The following COBL variants were observed in gnomAD, a reference collection of about 807,000 sequenced individuals.
COBL encodes cordon-bleu WH2 repeat protein.
In COBL, 51 loss-of-function variants were observed where a neutral mutation model predicts 98.8. The observed-to-expected ratio is 0.52, with a 90% CI of 0.41 to 0.65. The LOEUF (loss-of-function observed/expected upper bound fraction) is 0.65, where lower values mean the gene tolerates loss of function less well. COBL is among the 30% of genes least tolerant of loss of function. COBL has a pLI of 0.00. For missense variants in COBL, 1,617 were observed against 1,617.5 expected, an observed-to-expected ratio of 1.00 and a Z score of 0.01; for synonymous variants, 634 against 651.7, an observed-to-expected ratio of 0.97 and a Z score of 0.41.
chr7:51,057,217 C>T (rs1790850493), intron 7 of COBL, among the ~76,000 whole-genome samples: 1 of 152,128 alleles, frequency 6.6e-6, no homozygotes, highest in South Asian at 2.1e-4. Context: ...TTATAATTGT[C>T]CTATTTCATT....
intron 1 of COBL, among the ~76,000 whole-genome samples, chr7:51,290,468 T>C (rs1800791420): frequency 6.6e-6 from 1 of 152,194 alleles, no homozygotes; most frequent in African/African-American, 2.4e-5. Context: ...CATTGTAAAA[T>C]GATTTGTGCT....
At chr7:51,048,046 A>T (rs1789887115) in intron 7 of COBL, among the ~76,000 whole-genome samples, 3 of 152,162 alleles carry the variant, frequency 2.0e-5, no homozygotes, top group Non-Finnish European at 4.4e-5. Flanking sequence ...GCACACCTGT[A>T]ATCCCAGCTA....
intron 1 of COBL, among the ~76,000 whole-genome samples, chr7:51,261,070 C>T (rs1663478844): frequency 1.3e-5 from 2 of 152,208 alleles, no homozygotes; most frequent in African/African-American, 4.8e-5. Context: ...GCCTGCCTTC[C>T]TGCTGCTCAC....
intron 2 of COBL, among the ~76,000 whole-genome samples, chr7:51,211,905 A>G (rs1349933918): frequency 1.3e-5 from 2 of 152,024 alleles, no homozygotes; most frequent in East Asian, 3.9e-4. Context: ...CTCTCTCATC[A>G]TCTATCTACA....
At chr7:51,135,828 A>C (rs1321997800) in intron 6 of COBL, among the ~76,000 whole-genome samples, 1 of 152,204 alleles carries the variant, frequency 6.6e-6, no homozygotes, top group East Asian at 1.9e-4. Context: ...GGATGCAGTC[A>C]GTCAGAAAAA....
At chr7:51,139,889 G>A (rs1160932737) in intron 5 of COBL, among the ~76,000 whole-genome samples, 4 of 152,146 alleles carry the variant, frequency 2.6e-5, no homozygotes, top group Admixed American at 1.3e-4. Context: ...TATTATCCCA[G>A]TTTCCTTGGT....
intron 12 of COBL, chr7:51,021,304 A>G (rs1245619818): frequency 6.6e-6 from 1 of 152,172 alleles, no homozygotes; most frequent in African/African-American, 2.4e-5. Flanking sequence ...AGCTTTTAAC[A>G]TTTTACTTTT....
At chr7:51,221,931 T>C (rs1056182012) in intron 1 of COBL, among the ~76,000 whole-genome samples, 13 of 152,230 alleles carry the variant, frequency 8.5e-5, no homozygotes, top group African/African-American at 3.1e-4. Context: ...CTCATGCCTG[T>C]AATCCCAGCA....
intron 7 of COBL, among the ~76,000 whole-genome samples, chr7:51,057,120 G>C (rs574360069): frequency 6.6e-6 from 1 of 152,280 alleles, no homozygotes; most frequent in South Asian, 2.1e-4. Flanking sequence ...CAGACGGACT[G>C]TCTCAAGGTT....
At chr7:51,147,057 G>A (rs1459440506) in intron 5 of COBL, among the ~76,000 whole-genome samples, 1 of 152,186 alleles carries the variant, frequency 6.6e-6, no homozygotes, top group Non-Finnish European at 1.5e-5. Flanking sequence ...GACAGCAGAA[G>A]GCACTGCAGA....
chr7:51,028,950 C>G lies in COBL; in HGVS notation c.2146G>C (p.Glu716Gln). ...TTYKIIPPKSEMRCYDRDVSL... is the reference protein window; with the variant it reads ...TTYKIIPPKSQMRCYDRDVSL... Reference sequence around the variant, plus strand: ...ACATCTCTGTCGTAACATCGCATCTCTGACTTTGGAGGAATGATTTTATAC... The same window carrying G: ...ACATCTCTGTCGTAACATCGCATCTGTGACTTTGGAGGAATGATTTTATAC... Residue 716 changes from glutamate (E) to glutamine (Q), a missense_variant, in exon 10 of 13, where the codon GAG (glutamate) becomes CAG (glutamine). Around this residue, in one of 3 missense-constraint regions of COBL, gnomAD observed 1,304 missense variants for 1,282.0 expected, o/e 1.02. Transcript: ENST00000265136. 6.2e-7 allele frequency: 1 copy of G among 1,614,194 alleles called. No homozygotes were observed.
chr7:51,029,356 C>A lies in COBL; in HGVS notation c.1740G>T (p.Ala580=). 1 of 1,605,264 alleles carries A rather than the reference C, an allele frequency of 6.2e-7. No individual in the cohort carries two copies. The change falls in exon 10 of 13, where the codon GCG becomes GCT. Residue 580 remains alanine, a synonymous_variant. Coordinates refer to ENST00000265136, the MANE Select transcript of COBL (RefSeq NM_015198.5). ...GCTGGCTGTGCTCAGCTTGAAGTGG[C>A]GCCAGGGAGTCTCTCCTGCTGGCAA... The part of the protein sequence containing the change: ...EGVASRRDSL[A]PLQAEHSQPH...
intron 1 of COBL, among the ~76,000 whole-genome samples, chr7:51,248,011 C>T (rs758302115): frequency 6.6e-6 from 1 of 151,762 alleles, no homozygotes; most frequent in Non-Finnish European, 1.5e-5. Flanking sequence ...TGGTGGTGCA[C>T]GCCTATAATC....
At chr7:51,029,642 T>C in intron 9 of COBL, 51 bp from the exon 10 acceptor site, 1 of 1,441,402 alleles carries the variant, frequency 6.9e-7, no homozygotes, top group Non-Finnish European at 9.5e-7. Context: ...ACCAATTACT[T>C]AGTGTAACTG....
intron 1 of COBL, among the ~76,000 whole-genome samples, chr7:51,306,124 A>C (rs182464143): frequency 6.6e-6 from 1 of 152,180 alleles, no homozygotes; most frequent in East Asian, 1.9e-4. Context: ...GCTGTAATGC[A>C]GATGAGTGGG....
At chr7:51,261,213 T>A (rs986531505) in intron 1 of COBL, among the ~76,000 whole-genome samples, 1 of 152,150 alleles carries the variant, frequency 6.6e-6, no homozygotes, top group African/African-American at 2.4e-5. Context: ...TGACAGCCCA[T>A]CCAAAACGGC....
intron 1 of COBL, among the ~76,000 whole-genome samples, chr7:51,301,530 G>C (rs1161950410): frequency 6.6e-6 from 1 of 152,216 alleles, no homozygotes; most frequent in African/African-American, 2.4e-5. Context: ...AGCCGTCCCT[G>C]CCGGGCCCCA....
At chr7:51,271,101 C>T (rs945537484) in intron 1 of COBL, among the ~76,000 whole-genome samples, 6 of 152,208 alleles carry the variant, frequency 3.9e-5, no homozygotes, top group South Asian at 2.1e-4. Context: ...TGTATCTCCA[C>T]GCTGGGGAGT....
intron 5 of COBL, among the ~76,000 whole-genome samples, chr7:51,161,112 C>G (rs1786757479): frequency 6.6e-6 from 1 of 152,178 alleles, no homozygotes; most frequent in Non-Finnish European, 1.5e-5. Context: ...ACACATTTTC[C>G]TGTTCTCAAC....
Sources: allele counts gnomAD v4.1 joint callset (sites outside exome capture counted in the v4.1 genomes callset), GRCh38; gene constraint gnomAD v4.1.1; regional missense constraint gnomAD v4.1.1; transcripts MANE v1.5; gene names NCBI Gene and HGNC (gene_info 2026-07-23, HGNC 2026-07-21).